Variants in ECSIT observed in about 807,000 individuals in gnomAD.
ECSIT encodes the protein evolutionarily conserved signaling intermediate in Toll pathway, mitochondrial.
ECSIT carries 29 observed loss-of-function variants against 36.8 expected under a neutral mutation model. The observed-to-expected ratio is 0.79, with a 90% CI of 0.59 to 1.08. ECSIT has a LOEUF of 1.08. Among genes scored for constraint, ECSIT ranks in the 50% least tolerant of loss-of-function variants. The probability of loss-of-function intolerance (pLI) is 0.00; values close to 1 mark genes in which losing one functional copy is unlikely to be tolerated. For missense variants in ECSIT, 542 were observed against 581.0 expected, an observed-to-expected ratio of 0.93 and a Z score of 0.69; for synonymous variants, 231 against 234.8, an observed-to-expected ratio of 0.98 and a Z score of 0.15.
chr19:11,514,589 T>G (rs1267850133), intron 2 of ECSIT, among the ~76,000 whole-genome samples: 1 of 151,610 alleles, frequency 6.6e-6, no homozygotes, highest in East Asian at 1.9e-4. Flanking sequence ...GTGGTGCTAC[T>G]GTGGCTTACT....
At chr19:11,522,678 A>T (rs966390530) in intron 1 of ECSIT, among the ~76,000 whole-genome samples, 1 of 151,926 alleles carries the variant, frequency 6.6e-6, no homozygotes, top group Non-Finnish European at 1.5e-5. Context: ...GCGCCACTGC[A>T]CTCCAGCCTG....
intron 1 of ECSIT, among the ~76,000 whole-genome samples, chr19:11,528,419 T>A (rs1169921695): frequency 4.0e-4 from 61 of 152,140 alleles, no homozygotes; most frequent in Admixed American, 4.0e-3. Context: ...GCCCAGATAA[T>A]TTTTTGTAGA....
At chr19:11,512,037 AAAAC>A (rs1555739421) in intron 4 of ECSIT, among the ~76,000 whole-genome samples, 44 of 151,676 alleles carry the variant, frequency 2.9e-4, no homozygotes, top group East Asian at 1.2e-3. Flanking sequence ...TCTCAAAAAA[AAAAC>A]AAACAAACAA....
chr19:11,528,689 GC>G (rs1568409160), intron 1 of ECSIT: 1 of 152,198 alleles, frequency 6.6e-6, no homozygotes, highest in African/African-American at 2.4e-5. Context: ...ACGGAAACAA[GC>G]CTCAATTTCA....
intron 4 of ECSIT, 72 bp downstream of exon 4, chr19:11,512,984 G>C: frequency 7.0e-7 from 1 of 1,432,104 alleles, no homozygotes; most frequent in East Asian, 2.3e-5. Flanking sequence ...AGTGAGAGAA[G>C]GGGAGCCCAG....
chr19:11,517,237 G>A (rs376656885), intron 2 of ECSIT, among the ~76,000 whole-genome samples: 3 of 151,788 alleles, frequency 2.0e-5, no homozygotes, highest in East Asian at 1.9e-4. Flanking sequence ...CCTACTCTGC[G>A]GTCCCCACAG....
intron 4 of ECSIT, among the ~76,000 whole-genome samples, chr19:11,508,382 G>GTTTTTTTTTTTTTTTT (rs1418652426): frequency 8.6e-6 from 1 of 115,826 alleles, no homozygotes; most frequent in African/African-American, 5.8e-5. Context: ...ACTTAATTCC[G>GTTTTTTTTTTTTTTTT]ATTTTTTTTT....
At chr19:11,520,685 AGAT>A (rs960762507) in intron 1 of ECSIT, among the ~76,000 whole-genome samples, 1 of 148,260 alleles carries the variant, frequency 6.7e-6, no homozygotes, top group Non-Finnish European at 1.5e-5. Context: ...GCTAATTTAT[AGAT>A]TTTTTTGTAG....
intron 1 of ECSIT, among the ~76,000 whole-genome samples, chr19:11,524,479 G>A (rs937652898): frequency 1.3e-5 from 2 of 151,676 alleles, no homozygotes; most frequent in South Asian, 2.1e-4. Flanking sequence ...CCGAGATTGC[G>A]CCACACTGCA....
Position 11,507,461 on chromosome 19 carries a change from A to G in ECSIT, c.1047T>C (p.Asn349=). 1 of 1,613,538 alleles carries G rather than the reference A, an allele frequency of 6.2e-7. No homozygotes were observed. Among genetic ancestry groups the G allele is most frequent in the Non-Finnish European group, 8.5e-7 (1 of 1,179,772 alleles). The part of the protein sequence containing the change: ...SGWDNYEFDI[N]EVEEGPVFAM... ...CGCACCTGGCCCAGTTTTTACCTTC[A>G]TTGATGTCAAACTCGTAGTTGTCCC... Residue 349 remains asparagine (N), a synonymous_variant, in exon 7 of 8, where the codon AAT becomes AAC. Coordinates refer to ENST00000270517, the MANE Select transcript of ECSIT (RefSeq NM_016581.5).
At position 11,519,044 on chromosome 19, in the gene ECSIT, C is replaced by T. The variant is rs1178327091; in HGVS notation, c.96+31G>A. 1 of 1,538,384 alleles carries T rather than the reference C, an allele frequency of 6.5e-7. No homozygotes were observed. Among genetic ancestry groups the T allele is most frequent in the African/African-American group, 1.4e-5 (1 of 72,772 alleles). On this transcript the variant is annotated intron_variant, in intron 2 of 7. Coordinates refer to ENST00000270517, the MANE Select transcript of ECSIT (RefSeq NM_016581.5). The surrounding 1 kb of genome is among the most constrained non-coding windows in gnomAD (Gnocchi z 4.4). The stretch of plus-strand genomic sequence containing the variant: ...GAGCAAATCCCAAGCTTACCTCCCT[C>T]TACCCAAAAGACTGCCTGGCTGGTG...
At chr19:11,509,982 G>A (rs1185523603) in intron 4 of ECSIT, among the ~76,000 whole-genome samples, 2 of 151,482 alleles carry the variant, frequency 1.3e-5, no homozygotes, top group Non-Finnish European at 1.5e-5. Context: ...TGATTCTCCT[G>A]CCTCACCCTC....
At chr19:11,508,581 T>G (rs1444492888) in intron 4 of ECSIT, among the ~76,000 whole-genome samples, 1 of 151,686 alleles carries the variant, frequency 6.6e-6, no homozygotes, top group African/African-American at 2.4e-5. Flanking sequence ...TGAAATGGAG[T>G]TTTGCTCATT....
At chr19:11,528,186 G>A (rs994828044) in intron 1 of ECSIT, among the ~76,000 whole-genome samples, 5 of 152,096 alleles carry the variant, frequency 3.3e-5, no homozygotes, top group Non-Finnish European at 7.4e-5. Context: ...GCTGTCTCTG[G>A]TCATTTCAAT....
At chr19:11,513,482 T>A (rs564411489) in intron 3 of ECSIT, among the ~76,000 whole-genome samples, 303 of 149,360 alleles carry the variant, frequency 2.0e-3, no homozygotes, top group African/African-American at 7.2e-3. Context: ...TCCAGGAGTT[T>A]GAGAGCAGCC....
chr19:11,521,502 A>T (rs948626269), intron 1 of ECSIT, among the ~76,000 whole-genome samples: 1 of 151,074 alleles, frequency 6.6e-6, no homozygotes, highest in Non-Finnish European at 1.5e-5. Context: ...CGTGGTGGCT[A>T]ACGCCTGTAA....
chr19:11,521,172 T>C (rs1259819867), intron 1 of ECSIT, among the ~76,000 whole-genome samples: 2 of 152,200 alleles, frequency 1.3e-5, no homozygotes, highest in South Asian at 2.1e-4. Context: ...CATTCATCAA[T>C]TGATGGACAT....
chr19:11,513,804 C>CGT lies in ECSIT; in HGVS notation c.512_513dup (p.Gly172ThrfsTer3). ...CCCTGCGCCAGCCTCCTGGCCTCAC[C>CGT]GTGGTTCTCCATCTGCTCCAGGACA... On this transcript the variant is annotated frameshift_variant and splice_region_variant, in exon 3 of 8. Coordinates refer to ENST00000270517, the MANE Select transcript of ECSIT (RefSeq NM_016581.5). LOFTEE classifies it high-confidence loss of function. The CGT allele has an allele frequency of 6.2e-7, 1 of 1,613,894 alleles. No homozygotes were observed. Among genetic ancestry groups the CGT allele is most frequent in the African/African-American group, 1.3e-5 (1 of 74,998 alleles).
intron 2 of ECSIT, among the ~76,000 whole-genome samples, 154 bp downstream of exon 2, chr19:11,518,921 C>T (rs544166924): frequency 6.6e-6 from 1 of 152,212 alleles, no homozygotes; most frequent in South Asian, 2.1e-4. Context: ...AACATACATA[C>T]ATACATAAAC....
Sources: gnomAD v4.1 joint callset for allele counts (sites outside exome capture counted in the v4.1 genomes callset) on GRCh38, gnomAD v4.1.1 for gene constraint, Gnocchi (gnomAD v3.1) non-coding constraint, MANE v1.5 for transcripts, NCBI Gene and HGNC (gene_info 2026-07-23, HGNC 2026-07-21) for gene names.